The following DMD variants were observed in gnomAD, a reference collection of about 807,000 sequenced individuals.
The protein encoded by DMD is dystrophin.
In DMD, 63 loss-of-function variants were observed where a neutral mutation model predicts 330.1. That is an observed-to-expected ratio of 0.19 (90% CI 0.16 to 0.24). DMD has a LOEUF of 0.24. Ranked by LOEUF, DMD falls within the 10% of genes least tolerant of loss-of-function variation. The pLI is 1.00. For missense variants in DMD, 3,344 were observed against 2,684.1 expected (o/e 1.25, Z -5.43); for synonymous variants, 1,223 against 959.8 (o/e 1.27, Z -5.07).
intron 44 of DMD, among the ~76,000 whole-genome samples, chrX:32,154,855 GAA>G (rs201219325): frequency 0.098 from 9,677 of 98,247 alleles, 540 homozygotes; most frequent in Admixed American, 0.31. Context: ...CACAAGCTTT[GAA>G]AAAAAAAAAA....
chrX:31,509,269 A>G (rs3827456), intron 55 of DMD, among the ~76,000 whole-genome samples: 4,083 of 111,570 alleles, frequency 0.037, 151 homozygotes, highest in African/African-American at 0.11. Context: ...CCTTTTGCCT[A>G]CGTGGAATAA....
At chrX:32,580,101 G>T (rs1313496942) in intron 13 of DMD, among the ~76,000 whole-genome samples, 1 of 109,552 alleles carries the variant, frequency 9.1e-6, no homozygotes, top group Non-Finnish European at 1.9e-5. Flanking sequence ...ATAAAGAGCA[G>T]GAGTTCTAAG....
intron 37 of DMD, among the ~76,000 whole-genome samples, chrX:32,357,108 T>A (rs960516328): frequency 9.0e-6 from 1 of 111,504 alleles, no homozygotes; most frequent in African/African-American, 3.3e-5. Context: ...AGGTTGATCT[T>A]CAACTCCTGA....
chrX:32,536,259 G>A (rs1338871156), intron 17 of DMD, among the ~76,000 whole-genome samples: 4 of 59,798 alleles, frequency 6.7e-5, no homozygotes, highest in African/African-American at 2.7e-4. Flanking sequence ...GTGAGACTCC[G>A]TCTCCAAAAA....
At chrX:32,224,475 G>A (rs1462720039) in intron 43 of DMD, among the ~76,000 whole-genome samples, 1 of 111,407 alleles carries the variant, frequency 9.0e-6, no homozygotes, top group Non-Finnish European at 1.9e-5. Context: ...ACAAGATAAT[G>A]CATGAACAGC....
intron 55 of DMD, among the ~76,000 whole-genome samples, chrX:31,514,527 C>G (rs2071986529): frequency 8.9e-6 from 1 of 111,868 alleles, no homozygotes; most frequent in Non-Finnish European, 1.9e-5. Context: ...CTTCTCTTTC[C>G]CTTATTAGCC....
At chrX:32,646,373 T>C (rs370535000) in intron 9 of DMD, among the ~76,000 whole-genome samples, 2 of 111,473 alleles carry the variant, frequency 1.8e-5, no homozygotes, top group Non-Finnish European at 1.9e-5. Context: ...AGAGGGACTT[T>C]GCTGAGGTCA....
intron 44 of DMD, among the ~76,000 whole-genome samples, chrX:32,097,435 C>G (rs767435052): frequency 3.6e-5 from 4 of 111,234 alleles, no homozygotes; most frequent in Non-Finnish European, 7.5e-5. Flanking sequence ...TGAACTCGTT[C>G]TTTTTTATGG....
intron 55 of DMD, among the ~76,000 whole-genome samples, chrX:31,604,453 AG>A (rs779178405): frequency 9.0e-6 from 1 of 111,585 alleles, no homozygotes; most frequent in South Asian, 3.8e-4. Context: ...AGTTCGAGAC[AG>A]CGCCAAAAGA....
At chrX:32,268,886 A>C (rs149613938) in intron 43 of DMD, among the ~76,000 whole-genome samples, 3,186 of 110,247 alleles carry the variant, frequency 0.029, 124 homozygotes, top group African/African-American at 0.1. Context: ...GTCAGATATG[A>C]GCAGGGTAGG....
At chrX:31,755,992 A>G (rs188479950) in intron 51 of DMD, among the ~76,000 whole-genome samples, 4 of 111,857 alleles carry the variant, frequency 3.6e-5, no homozygotes, top group Admixed American at 1.9e-4. Flanking sequence ...ATGTGCAAGA[A>G]ATGTTCTGCA....
chrX:33,039,440 A>G (rs1297122177), intron 1 of DMD, among the ~76,000 whole-genome samples: 1 of 109,062 alleles, frequency 9.2e-6, no homozygotes, highest in East Asian at 2.9e-4. Flanking sequence ...AGTGTGCCAA[A>G]TCTCAGTTTC....
Position 32,411,875 on chromosome X carries a change from C to T in DMD, c.4110G>A (p.Gln1370=). Residue 1370 remains glutamine, a synonymous_variant, in exon 30 of 79, where the codon CAG becomes CAA. Transcript: ENST00000357033. ...AGGATTTTTCAGTCTCCTGGGCAGACTGGATGCTCTGTTCAAGCAACTTTT... is the reference window on the plus strand; with the variant it reads ...AGGATTTTTCAGTCTCCTGGGCAGATTGGATGCTCTGTTCAAGCAACTTTT... ...RRQKLLEQSI[Q]SAQETEKSLH... is the part of the protein sequence containing the mutation. 1 of 1,210,897 alleles carries T rather than the reference C, an allele frequency of 8.3e-7. No homozygotes were observed.
chrX:33,167,524 C>A (rs1430493375), intron 1 of DMD, among the ~76,000 whole-genome samples: 1 of 110,470 alleles, frequency 9.1e-6, no homozygotes, highest in African/African-American at 3.3e-5. Context: ...TTTTTTTTTA[C>A]TTTATCTTAA....
chrX:33,058,626 CAT>C (rs2148058575), intron 1 of DMD, among the ~76,000 whole-genome samples: 1 of 110,568 alleles, frequency 9.0e-6, no homozygotes, highest in South Asian at 3.9e-4. Context: ...TGAACACATA[CAT>C]ATGAGAGGAA....
chrX:32,431,487 A>C (rs2098238107), intron 29 of DMD, among the ~76,000 whole-genome samples: 1 of 110,819 alleles, frequency 9.0e-6, no homozygotes, highest in Non-Finnish European at 1.9e-5. Flanking sequence ...ACTCCCATTG[A>C]GATAAGTTAT....
intron 67 of DMD, among the ~76,000 whole-genome samples, chrX:31,191,336 G>A (rs2042331287): frequency 9.0e-6 from 1 of 111,708 alleles, no homozygotes; most frequent in South Asian, 3.8e-4. Flanking sequence ...ACAGAAAAAG[G>A]TAAATTTATG....
At chrX:31,402,840 T>C (rs940576502) in intron 60 of DMD, among the ~76,000 whole-genome samples, 1 of 111,421 alleles carries the variant, frequency 9.0e-6, no homozygotes, top group African/African-American at 3.3e-5. Flanking sequence ...AGAAAACTAA[T>C]GGAAAGAGTG....
chrX:32,182,694 G>A (rs747465633), intron 44 of DMD, among the ~76,000 whole-genome samples: 2 of 111,933 alleles, frequency 1.8e-5, no homozygotes, highest in African/African-American at 6.5e-5. Context: ...ATAAATGAAT[G>A]AAGCAAATGA....
Sources: gnomAD v4.1 joint callset for allele counts (sites outside exome capture counted in the v4.1 genomes callset) on GRCh38, gnomAD v4.1.1 for gene constraint, MANE v1.5 for transcripts, NCBI Gene and HGNC (gene_info 2026-07-23, HGNC 2026-07-21) for gene names.